TMEM132C: variants seen among roughly 807,000 people sequenced by gnomAD.
TMEM132C encodes transmembrane protein 132C.
TMEM132C carries 29 observed loss-of-function variants against 61.4 expected under a neutral mutation model. The observed-to-expected ratio is 0.47, with a 90% CI of 0.35 to 0.64. The LOEUF is 0.64. Among genes scored for constraint, TMEM132C ranks in the 30% least tolerant of loss-of-function variants. The pLI, the probability that TMEM132C is intolerant of heterozygous loss-of-function variation, is 0.00. For missense variants in TMEM132C, 1,408 were observed against 1,476.9 expected, an observed-to-expected ratio of 0.95 and a Z score of 0.76; for synonymous variants, 656 against 633.1, an observed-to-expected ratio of 1.04 and a Z score of -0.54.
rs1868762395 is a variant in TMEM132C at position 128,415,787 on chromosome 12, A to T, written c.974+167A>T. 1.3e-5 allele frequency among the ~76,000 whole-genome samples: 2 copies of T among 152,174 alleles called. No individual in the cohort carries two copies. Among genetic ancestry groups the T allele is most frequent in the African/African-American group, 2.4e-5 (1 of 41,462 alleles). ...ATGCACCTGCCCACATGCTCTCAACAGCCCTCCTTACACCGTGGGTTATGG... is the reference window on the plus strand; with the variant it reads ...ATGCACCTGCCCACATGCTCTCAACTGCCCTCCTTACACCGTGGGTTATGG... On this transcript the variant is annotated intron_variant, in intron 2 of 8. Coordinates refer to ENST00000435159, the MANE Select transcript of TMEM132C (RefSeq NM_001136103.3). The surrounding 1 kb of genome is among the most constrained non-coding windows in gnomAD (Gnocchi z 5.8).
intron 5 of TMEM132C, among the ~76,000 whole-genome samples, chr12:128,691,866 T>A (rs1183620579): frequency 1.3e-5 from 2 of 151,786 alleles, no homozygotes; most frequent in Non-Finnish European, 2.9e-5. Context: ...CCCATTCACC[T>A]GTCCACCCAT....
In TMEM132C at chr12:128,623,536, T is replaced by G. The variant is rs190104531; in HGVS notation, c.1305+7201T>G. Among the ~76,000 whole-genome samples, 1,004 of 151,716 alleles carry G rather than the reference T, an allele frequency of 6.6e-3. 12 individuals are homozygous for G. The highest frequency in any genetic ancestry group is 0.023 in the African/African-American group (963 of 41,364). On this transcript the variant is annotated intron_variant, in intron 4 of 8. Transcript: ENST00000435159. The stretch of plus-strand genomic sequence containing the variant: ...GATGATATAACTTCAGCCGGGTGCA[T>G]TGGCTCACACCTGTAATCCCAGCAC...
chr12:128,348,983 C>T (rs1418830819), intron 1 of TMEM132C, among the ~76,000 whole-genome samples: 1 of 151,826 alleles, frequency 6.6e-6, no homozygotes, highest in Non-Finnish European at 1.5e-5. Flanking sequence ...ATTTGTAACC[C>T]TGAAGTGGTA....
At chr12:128,367,231 C>G (rs1250965208) in intron 1 of TMEM132C, among the ~76,000 whole-genome samples, 1 of 152,154 alleles carries the variant, frequency 6.6e-6, no homozygotes, top group East Asian at 1.9e-4. Context: ...GTCTGGATCA[C>G]TAGGGGTTTT....
In TMEM132C at chr12:128,435,999, T is replaced by C. The variant is rs180960940; in HGVS notation, c.974+20379T>C. On this transcript the variant is annotated intron_variant, in intron 2 of 8. Coordinates refer to ENST00000435159, the MANE Select transcript of TMEM132C (RefSeq NM_001136103.3). ...GAGGCCTCAGAAATAACACCGCACA[T>C]CTAAAACCATCTGATCTTTGACAAA... Among the ~76,000 whole-genome samples the C allele has an allele frequency of 1.7e-3, 255 of 152,160 alleles. 1 individual carries two copies. The highest frequency in any genetic ancestry group is 5.8e-3 in the African/African-American group (240 of 41,502).
intron 1 of TMEM132C, among the ~76,000 whole-genome samples, chr12:128,309,343 T>C (rs1248857871): frequency 6.6e-6 from 1 of 152,190 alleles, no homozygotes; most frequent in Admixed American, 6.5e-5. Flanking sequence ...TAGCACACAA[T>C]AAGCACCAAC....
At chr12:128,678,984 T>C (rs1052268628) in intron 5 of TMEM132C, among the ~76,000 whole-genome samples, 1 of 152,216 alleles carries the variant, frequency 6.6e-6, no homozygotes, top group Admixed American at 6.5e-5. Context: ...CTGTCACTTA[T>C]CTTCTGAGTG....
At chr12:128,533,193 A>G (rs1873382889) in intron 2 of TMEM132C, among the ~76,000 whole-genome samples, 1 of 152,174 alleles carries the variant, frequency 6.6e-6, no homozygotes. Flanking sequence ...TGCCCAGGGT[A>G]GAGAACACTG....
chr12:128,306,324 C>T (rs1299407608), intron 1 of TMEM132C, among the ~76,000 whole-genome samples: 1 of 151,866 alleles, frequency 6.6e-6, no homozygotes, highest in Non-Finnish European at 1.5e-5. Context: ...GCCTCAGCCT[C>T]CCGAGTAGCT....
chr12:128,371,332 C>T (rs921093612), intron 1 of TMEM132C, among the ~76,000 whole-genome samples: 1 of 152,120 alleles, frequency 6.6e-6, no homozygotes, highest in Non-Finnish European at 1.5e-5. Flanking sequence ...CATCTTGGCT[C>T]CAGGAAGGCA....
intron 5 of TMEM132C, among the ~76,000 whole-genome samples, chr12:128,682,151 C>T (rs988538740): frequency 6.6e-6 from 1 of 152,184 alleles, no homozygotes; most frequent in African/African-American, 2.4e-5. Context: ...GCCATCGTCA[C>T]ATGATTTCAC....
intron 7 of TMEM132C, among the ~76,000 whole-genome samples, chr12:128,696,416 C>T (rs1023267313): frequency 3.9e-5 from 6 of 152,164 alleles, no homozygotes; most frequent in Non-Finnish European, 8.8e-5. Context: ...ACTTTTTCCC[C>T]CTATGCCTTC....
At chr12:128,316,161 GCA>G (rs1320335780) in intron 1 of TMEM132C, among the ~76,000 whole-genome samples, 1 of 152,050 alleles carries the variant, frequency 6.6e-6, no homozygotes, top group East Asian at 1.9e-4. Flanking sequence ...GCGTAAGAAG[GCA>G]CAGTCACCTG....
chr12:128,449,406 T>C (rs1460836155), intron 2 of TMEM132C, among the ~76,000 whole-genome samples: 4 of 152,192 alleles, frequency 2.6e-5, no homozygotes, highest in African/African-American at 9.7e-5. Flanking sequence ...AGTATTTCAG[T>C]GCCTAAGTCT....
At chr12:128,543,218 T>A (rs1010893177) in intron 2 of TMEM132C, among the ~76,000 whole-genome samples, 1 of 152,214 alleles carries the variant, frequency 6.6e-6, no homozygotes, top group Admixed American at 6.5e-5. Flanking sequence ...CCTGGAGTGA[T>A]GTGACAATCG....
intron 4 of TMEM132C, among the ~76,000 whole-genome samples, chr12:128,647,349 G>A (rs1954214363): frequency 6.6e-6 from 1 of 151,468 alleles, no homozygotes; most frequent in African/African-American, 2.4e-5. Context: ...TTGGATGTGA[G>A]TGTGTTTACT....
intron 3 of TMEM132C, among the ~76,000 whole-genome samples, chr12:128,596,917 G>A (rs548319779): frequency 2.6e-5 from 4 of 152,214 alleles, no homozygotes; most frequent in South Asian, 2.1e-4. Flanking sequence ...ACTGTCTTCC[G>A]GGGAGGTCAT....
chr12:128,377,827 A>G (rs1374226165), intron 1 of TMEM132C, among the ~76,000 whole-genome samples: 1 of 152,032 alleles, frequency 6.6e-6, no homozygotes, highest in East Asian at 1.9e-4. Flanking sequence ...GGACTCGTCA[A>G]CATTGCTCTG....
At chr12:128,318,820 T>A (rs1872232175) in intron 1 of TMEM132C, among the ~76,000 whole-genome samples, 1 of 152,212 alleles carries the variant, frequency 6.6e-6, no homozygotes, top group South Asian at 2.1e-4. Context: ...GCATATGCTT[T>A]CATGACAGTT....
Sources: gnomAD v4.1 joint callset for allele counts (sites outside exome capture counted in the v4.1 genomes callset) on GRCh38, gnomAD v4.1.1 for gene constraint, Gnocchi (gnomAD v3.1) non-coding constraint, MANE v1.5 for transcripts, NCBI Gene and HGNC (gene_info 2026-07-23, HGNC 2026-07-21) for gene names.